PRKN: variants seen among roughly 807,000 people sequenced by gnomAD.
PRKN encodes parkin RBR E3 ubiquitin protein ligase.
Under a neutral mutation model 59.5 loss-of-function variants are expected in PRKN, and 56 were observed. The observed-to-expected ratio is 0.94, with a 90% CI of 0.76 to 1.18. The LOEUF is 1.18. Among genes scored for constraint, PRKN ranks in the 50% most tolerant of loss-of-function variants. The pLI is 0.00. For synonymous variants in PRKN, 250 were observed against 222.1 expected (o/e 1.13, Z -1.12); for missense variants, 657 against 596.4 (o/e 1.10, Z -1.06).
At chr6:161,925,141 CT>C (rs1162537118) in intron 6 of PRKN, among the ~76,000 whole-genome samples, 1 of 152,022 alleles carries the variant, frequency 6.6e-6, no homozygotes, top group Non-Finnish European at 1.5e-5. Context: ...CAAATTTTTC[CT>C]TATATAAAGA....
At chr6:161,781,229 G>C (rs7745115) in intron 7 of PRKN, among the ~76,000 whole-genome samples, 53,432 of 152,076 alleles carry the variant, frequency 0.35, 9,577 homozygotes, top group South Asian at 0.44. Context: ...AGAGGTGCCA[G>C]GGAATATAAG....
chr6:162,353,246 T>G (rs1379387689), intron 2 of PRKN, among the ~76,000 whole-genome samples: 1 of 152,046 alleles, frequency 6.6e-6, no homozygotes, highest in East Asian at 1.9e-4. Context: ...TAGAGTTGGC[T>G]CTAAGCTACC....
chr6:161,876,451 A>ACACC (rs1186571815), intron 6 of PRKN, among the ~76,000 whole-genome samples: 1 of 152,096 alleles, frequency 6.6e-6, no homozygotes, highest in East Asian at 1.9e-4. Flanking sequence ...AGTTGTGACT[A>ACACC]CAGGCGCATG....
chr6:161,533,934 T>G lies in PRKN; in HGVS notation c.1083+14920A>C, dbSNP rs1030084027. On this transcript the variant is annotated intron_variant, in intron 9 of 11. Transcript: ENST00000366898. This position sits in a 1 kb window ranked among gnomAD's most constrained non-coding sequence, Gnocchi z 4.1. ...TTTTATAAGGTAGGAAGGCTGTATA[T>G]TCACACGACACTCGCCGTCACAGTG... 1.3e-5 allele frequency among the ~76,000 whole-genome samples: 2 copies of G among 152,092 alleles called. No homozygotes were observed. Among genetic ancestry groups the G allele is most frequent in the African/African-American group, 2.4e-5 (1 of 41,400 alleles).
At chr6:161,654,272 T>C (rs759335245) in intron 7 of PRKN, among the ~76,000 whole-genome samples, 1 of 152,244 alleles carries the variant, frequency 6.6e-6, no homozygotes, top group Non-Finnish European at 1.5e-5. Flanking sequence ...GGATTGGCCC[T>C]ACCTGAAAAT....
chr6:161,366,544 TC>T (rs1785207149), intron 10 of PRKN, among the ~76,000 whole-genome samples: 1 of 152,200 alleles, frequency 6.6e-6, no homozygotes. Context: ...ACTCCGTACT[TC>T]TGTATTTGAG....
intron 6 of PRKN, among the ~76,000 whole-genome samples, chr6:161,852,879 C>A (rs902711975): frequency 7.9e-5 from 12 of 152,104 alleles, no homozygotes; most frequent in African/African-American, 2.7e-4. Context: ...AGAGTGAGCA[C>A]CGCGTGGGCC....
At position 161,503,512 on chromosome 6, in the gene PRKN, T is replaced by C. The variant is rs556680165; in HGVS notation, c.1083+45342A>G. On this transcript the variant is annotated intron_variant, in intron 9 of 11. Transcript: ENST00000366898. This position sits in a 1 kb window ranked among gnomAD's most constrained non-coding sequence, Gnocchi z 5.1. ...CTTTTACATGTTTTAACTCACTTAATGGCTGCAACGGCCCCAGGAGGTAGA... is the reference window on the plus strand; with the variant it reads ...CTTTTACATGTTTTAACTCACTTAACGGCTGCAACGGCCCCAGGAGGTAGA... Among the ~76,000 whole-genome samples, 5 of 152,278 alleles carry C rather than the reference T, an allele frequency of 3.3e-5. No individual in the cohort carries two copies. The highest frequency in any genetic ancestry group is 1.2e-4 in the African/African-American group (5 of 41,560).
intron 2 of PRKN, among the ~76,000 whole-genome samples, chr6:162,322,021 A>C (rs1783044830): frequency 6.6e-6 from 1 of 152,022 alleles, no homozygotes; most frequent in African/African-American, 2.4e-5. Flanking sequence ...GAAAAATAAA[A>C]TGCATAAGAT....
At chr6:162,105,096 C>T (rs1780135594) in intron 4 of PRKN, among the ~76,000 whole-genome samples, 1 of 152,042 alleles carries the variant, frequency 6.6e-6, no homozygotes, top group African/African-American at 2.4e-5. Flanking sequence ...AGTAAAACAG[C>T]CCAAAGGGTA....
chr6:161,758,809 GGTCT>G (rs1437973275), intron 7 of PRKN, among the ~76,000 whole-genome samples: 1 of 152,194 alleles, frequency 6.6e-6, no homozygotes, highest in African/African-American at 2.4e-5. Flanking sequence ...TTCAGTCTCA[GGTCT>G]GTCTGAGTAT....
intron 1 of PRKN, among the ~76,000 whole-genome samples, chr6:162,547,037 G>C (rs1046447614): frequency 6.6e-6 from 1 of 152,006 alleles, no homozygotes; most frequent in Non-Finnish European, 1.5e-5. Context: ...TTAGAGCTTC[G>C]GGTGTCTCCA....
chr6:162,198,188 T>C (rs1276155870), intron 4 of PRKN, among the ~76,000 whole-genome samples: 1 of 152,126 alleles, frequency 6.6e-6, no homozygotes, highest in East Asian at 1.9e-4. Context: ...ATATCAAAGG[T>C]GGAGCATCTC....
intron 7 of PRKN, among the ~76,000 whole-genome samples, chr6:161,619,667 T>C (rs1399465179): frequency 1.3e-5 from 2 of 152,164 alleles, no homozygotes; most frequent in Non-Finnish European, 1.5e-5. Flanking sequence ...GCAGTAGCCC[T>C]TGACTTGAAT....
chr6:162,029,333 C>T (rs117564852), intron 5 of PRKN, among the ~76,000 whole-genome samples: 6,681 of 152,194 alleles, frequency 0.044, 199 homozygotes, highest in Non-Finnish European at 0.064. Context: ...ATTGGGGATA[C>T]GCAACATCAA....
chr6:162,298,806 A>T (rs1781810181), intron 2 of PRKN, among the ~76,000 whole-genome samples: 1 of 152,120 alleles, frequency 6.6e-6, no homozygotes, highest in Non-Finnish European at 1.5e-5. Context: ...CTCAGAGCAC[A>T]GGAAAAGAAA....
chr6:162,719,142 C>G (rs1388876418), intron 1 of PRKN, among the ~76,000 whole-genome samples: 2 of 152,190 alleles, frequency 1.3e-5, no homozygotes, highest in African/African-American at 4.8e-5. Flanking sequence ...TCTAAATTGA[C>G]TGCCCAATAA....
chr6:161,591,434 C>T (rs1163475239), intron 7 of PRKN, among the ~76,000 whole-genome samples: 2 of 152,202 alleles, frequency 1.3e-5, no homozygotes, highest in Non-Finnish European at 2.9e-5. Flanking sequence ...CACAGAAAAC[C>T]ACCTCCACCC....
At chr6:162,183,281 T>G (rs2128323678) in intron 4 of PRKN, among the ~76,000 whole-genome samples, 1 of 152,232 alleles carries the variant, frequency 6.6e-6, no homozygotes, top group East Asian at 1.9e-4. Context: ...TGTAAGGCAT[T>G]GGGAGTTCTT....
Sources: gnomAD v4.1 joint callset for allele counts (sites outside exome capture counted in the v4.1 genomes callset) on GRCh38, gnomAD v4.1.1 for gene constraint, Gnocchi (gnomAD v3.1) non-coding constraint, MANE v1.5 for transcripts, NCBI Gene and HGNC (gene_info 2026-07-23, HGNC 2026-07-21) for gene names.